The following PCDH15 variants were observed in gnomAD, a reference collection of about 807,000 sequenced individuals.
PCDH15 encodes the protein protocadherin related 15.
PCDH15 carries 129 observed loss-of-function variants against 178.5 expected under a neutral mutation model. The observed-to-expected ratio is 0.72, with a 90% CI of 0.63 to 0.84. PCDH15 has a LOEUF of 0.84. Ranked by LOEUF, PCDH15 falls within the 40% of genes least tolerant of loss-of-function variation. PCDH15 has a pLI of 0.00. For synonymous variants in PCDH15, 800 were observed against 732.0 expected (o/e 1.09, Z -1.50); for missense variants, 2,230 against 2,099.9 (o/e 1.06, Z -1.21).
intron 2 of PCDH15, among the ~76,000 whole-genome samples, chr10:55,112,327 G>A (rs778235265): frequency 6.6e-6 from 1 of 152,128 alleles, no homozygotes; most frequent in Non-Finnish European, 1.5e-5. Context: ...TGTCCACCAT[G>A]TGAAGATTCG....
intron 3 of PCDH15, among the ~76,000 whole-genome samples, chr10:54,448,439 A>G (rs1018779469): frequency 2.6e-5 from 4 of 151,602 alleles, no homozygotes; most frequent in African/African-American, 9.7e-5. Context: ...ATTTACATAT[A>G]TCAGTATTCA....
At position 54,730,577 on chromosome 10, in the gene PCDH15, A is replaced by G. The variant is rs570976382; in HGVS notation, c.-28-66287T>C. 1.1e-3 allele frequency among the ~76,000 whole-genome samples: 173 copies of G among 151,592 alleles called. 1 individual carries two copies. The highest frequency in any genetic ancestry group is 3.9e-3 in the African/African-American group (163 of 41,508). On this transcript the variant is annotated intron_variant, in intron 1 of 37. Coordinates refer to ENST00000644397, the MANE Select transcript of PCDH15 (RefSeq NM_001384140.1). ...GGAAAGAACAAATCATAAGAAAGTA[A>G]TCAAAGTAGAACCCAGATATAAATC...
intron 2 of PCDH15, among the ~76,000 whole-genome samples, chr10:54,898,848 T>C (rs1013787123): frequency 1.3e-5 from 2 of 152,108 alleles, no homozygotes; most frequent in Admixed American, 6.6e-5. Flanking sequence ...ACAAAACTGG[T>C]AAATTAAAAG....
intron 23 of PCDH15, among the ~76,000 whole-genome samples, chr10:53,956,241 C>T (rs570628966): frequency 2.8e-4 from 42 of 152,010 alleles, no homozygotes; most frequent in Non-Finnish European, 4.3e-4. Context: ...ATCAGTCAAA[C>T]GGCAGAATTC....
At chr10:55,178,528 T>C (rs1037404485) in intron 1 of PCDH15, among the ~76,000 whole-genome samples, 5 of 152,104 alleles carry the variant, frequency 3.3e-5, no homozygotes, top group Non-Finnish European at 7.4e-5. Context: ...GCCCAGTGGT[T>C]GTTCTCAGGT....
chr10:54,876,615 A>G (rs567223053), intron 3 of PCDH15, among the ~76,000 whole-genome samples: 3 of 152,190 alleles, frequency 2.0e-5, no homozygotes, highest in Non-Finnish European at 2.9e-5. Flanking sequence ...TGAACAGTTC[A>G]AAACGTCAAT....
intron 1 of PCDH15, among the ~76,000 whole-genome samples, chr10:55,252,241 C>T (rs765306954): frequency 6.6e-6 from 1 of 152,054 alleles, no homozygotes; most frequent in Non-Finnish European, 1.5e-5. Context: ...CAGATCCTGA[C>T]AGAGATGTAT....
At chr10:54,908,181 C>A (rs1001261430) in intron 2 of PCDH15, among the ~76,000 whole-genome samples, 8 of 152,156 alleles carry the variant, frequency 5.3e-5, no homozygotes, top group Non-Finnish European at 1.2e-4. Context: ...TGCTTGGATC[C>A]CATGCCTGCC....
intron 3 of PCDH15, among the ~76,000 whole-genome samples, chr10:54,808,972 T>A (rs1952822340): frequency 6.6e-6 from 1 of 151,932 alleles, no homozygotes; most frequent in Non-Finnish European, 1.5e-5. Flanking sequence ...ACAGATTGTA[T>A]TAAGACGCTA....
chr10:54,425,018 A>AG (rs1438722333), intron 3 of PCDH15, among the ~76,000 whole-genome samples: 1 of 151,856 alleles, frequency 6.6e-6, no homozygotes, highest in Non-Finnish European at 1.5e-5. Context: ...TAAAAAAAAA[A>AG]AAAAAAGAAA....
At chr10:54,893,279 A>G (rs938086270) in intron 3 of PCDH15, among the ~76,000 whole-genome samples, 6 of 152,168 alleles carry the variant, frequency 3.9e-5, no homozygotes, top group African/African-American at 1.4e-4. Flanking sequence ...ATTTAAAAAA[A>G]TATGAAATAT....
chr10:55,579,314 T>C (rs16907526), intron 2 of PCDH15, among the ~76,000 whole-genome samples: 8,683 of 152,186 alleles, frequency 0.057, 559 homozygotes, highest in East Asian at 0.31. Context: ...ACAATTATCA[T>C]AGAAGTGAGG....
chr10:55,425,494 G>C (rs1215040979), intron 2 of PCDH15, among the ~76,000 whole-genome samples: 1 of 151,958 alleles, frequency 6.6e-6, no homozygotes, highest in African/African-American at 2.4e-5. Flanking sequence ...TACTATTTAT[G>C]TAAAAATATT....
At chr10:55,262,378 T>C (rs886765035) in intron 1 of PCDH15, among the ~76,000 whole-genome samples, 8 of 152,164 alleles carry the variant, frequency 5.3e-5, no homozygotes, top group Non-Finnish European at 8.8e-5. Context: ...GCCTAAATGT[T>C]GCATTTCCTA....
At chr10:55,254,670 G>C (rs964099278) in intron 1 of PCDH15, among the ~76,000 whole-genome samples, 3 of 152,142 alleles carry the variant, frequency 2.0e-5, no homozygotes, top group African/African-American at 7.2e-5. Flanking sequence ...AGCAATATGA[G>C]ATATTAAAAT....
At chr10:55,276,219 C>A (rs117310907) in intron 1 of PCDH15, among the ~76,000 whole-genome samples, 1 of 150,666 alleles carries the variant, frequency 6.6e-6, no homozygotes, top group African/African-American at 2.4e-5. Flanking sequence ...TTATTCCTTA[C>A]AAACTCTTAA....
At chr10:55,031,121 A>G (rs1248854853) in intron 2 of PCDH15, among the ~76,000 whole-genome samples, 2 of 152,134 alleles carry the variant, frequency 1.3e-5, no homozygotes, top group Non-Finnish European at 2.9e-5. Context: ...TGCCTTGTAT[A>G]GTTTAGTTGT....
intron 25 of PCDH15, among the ~76,000 whole-genome samples, chr10:53,908,390 TCTC>T (rs1440828740): frequency 6.6e-6 from 1 of 152,306 alleles, no homozygotes; most frequent in African/African-American, 2.4e-5. Context: ...AGTAATACCC[TCTC>T]CTCAATCCAT....
At chr10:54,879,918 A>G (rs916909774) in intron 3 of PCDH15, among the ~76,000 whole-genome samples, 11 of 152,074 alleles carry the variant, frequency 7.2e-5, no homozygotes, top group African/African-American at 2.2e-4. Context: ...ACATTTTTCC[A>G]TATTAGCTTC....
Sources: gnomAD v4.1 joint callset for allele counts (sites outside exome capture counted in the v4.1 genomes callset) on GRCh38, gnomAD v4.1.1 for gene constraint, MANE v1.5 for transcripts, NCBI Gene and HGNC (gene_info 2026-07-23, HGNC 2026-07-21) for gene names.